The following KMT2C variants were observed in gnomAD, a reference collection of about 807,000 sequenced individuals.
The protein encoded by KMT2C is histone-lysine N-methyltransferase 2C.
A neutral mutation model predicts 507.9 loss-of-function variants in KMT2C; 88 were observed. The ratio of observed to expected loss-of-function variants is 0.17; its 90% CI spans 0.15 to 0.21. The LOEUF is 0.21. Ranked by LOEUF, KMT2C falls within the 10% of genes least tolerant of loss-of-function variation. The probability of loss-of-function intolerance (pLI) is 1.00; values close to 1 mark genes in which losing one functional copy is unlikely to be tolerated. For missense variants in KMT2C, 4,954 were observed against 5,957.8 expected, an observed-to-expected ratio of 0.83 and a Z score of 5.55; for synonymous variants, 2,049 against 2,080.8, an observed-to-expected ratio of 0.98 and a Z score of 0.42.
intron 6 of KMT2C, among the ~76,000 whole-genome samples, chr7:152,296,979 AAAAG>A (rs1317791537): frequency 1.4e-5 from 2 of 141,582 alleles, no homozygotes; most frequent in African/African-American, 2.6e-5. Flanking sequence ...ATCACCACTA[AAAAG>A]AAAGAAAGAA....
intron 27 of KMT2C, among the ~76,000 whole-genome samples, 192 bp from the exon 28 acceptor site, chr7:152,196,203 A>C (rs919239386): frequency 1.3e-5 from 2 of 152,226 alleles, no homozygotes; most frequent in Non-Finnish European, 2.9e-5. Context: ...TTTACTAAAA[A>C]TTCAGACGAT....
At position 152,145,158 on chromosome 7, in the gene KMT2C, C is replaced by CTTA. The variant is rs767590763; in HGVS notation, c.14168_14169insTAA (p.Val4723_Leu4724insLys). 17 of 1,613,816 alleles carry CTTA rather than the reference C, an allele frequency of 1.1e-5. No individual in the cohort carries two copies. The African/African-American group carries it at 2.0e-4, about 19-fold the overall frequency. ...GTGAAGTTAAAACAAAATACCTTAA[C>CTTA]ACAAACCTCTTGACATGGGCACTCA... is the stretch of plus-strand genomic sequence containing the variant. On this transcript the variant is annotated inframe_insertion, in exon 54 of 59. Coordinates refer to ENST00000262189, the MANE Select transcript of KMT2C (RefSeq NM_170606.3).
At position 152,136,572 on chromosome 7, in the gene KMT2C, G is replaced by A; in HGVS notation, c.*260C>T. Reference sequence around the variant, plus strand: ...AAAAACAAACAAAAAAAAAAGAAAAGGAAAAGAAAAAAAAGCAAAAGTGCT... The same window carrying A: ...AAAAACAAACAAAAAAAAAAGAAAAAGAAAAGAAAAAAAAGCAAAAGTGCT... On this transcript the variant is annotated 3_prime_UTR_variant, in exon 59 of 59. Coordinates refer to ENST00000262189, the MANE Select transcript of KMT2C (RefSeq NM_170606.3). 1 of 381,996 alleles carries A rather than the reference G, an allele frequency of 2.6e-6. No homozygotes were observed. Among genetic ancestry groups the A allele is most frequent in the Non-Finnish European group, 4.7e-6 (1 of 213,204 alleles). 23.7% of individuals were successfully genotyped at this position (381,996 alleles called of 1,614,324 possible).
At chr7:152,230,139 T>C in intron 17 of KMT2C, 81 bp downstream of exon 17, 1 of 1,038,208 alleles carries the variant, frequency 9.6e-7, no homozygotes, top group South Asian at 1.4e-5. Flanking sequence ...AAATATTGAA[T>C]GACTTCTGTG....
chr7:152,290,276 ATATATATATATATATATATTTTT>A (rs2096396505), intron 6 of KMT2C, among the ~76,000 whole-genome samples: 1 of 27,254 alleles, frequency 3.7e-5, no homozygotes, highest in Non-Finnish European at 6.6e-5. Context: ...ATATATATAT[ATATATATATATATATATATTTTT>A]TTTTTTTTTT....
intron 2 of KMT2C, among the ~76,000 whole-genome samples, chr7:152,349,932 C>A (rs2097096616): frequency 6.6e-6 from 1 of 152,128 alleles, no homozygotes; most frequent in Non-Finnish European, 1.5e-5. Context: ...AATTTTGCTA[C>A]AAACCTAAAA....
intron 27 of KMT2C, among the ~76,000 whole-genome samples, chr7:152,198,631 C>T (rs2094036414): frequency 6.6e-6 from 1 of 152,092 alleles, no homozygotes; most frequent in Admixed American, 6.5e-5. Flanking sequence ...AGTTCTCATA[C>T]CTTTCTCTGA....
At chr7:152,326,246 G>C (rs1299557994) in intron 3 of KMT2C, among the ~76,000 whole-genome samples, 2 of 151,946 alleles carry the variant, frequency 1.3e-5, no homozygotes, top group African/African-American at 4.8e-5. Flanking sequence ...ATTTTTATTA[G>C]AATTTTCTTG....
At chr7:152,297,045 GAA>G (rs879698092) in intron 6 of KMT2C, among the ~76,000 whole-genome samples, 26 of 91,388 alleles carry the variant, frequency 2.8e-4, no homozygotes, top group East Asian at 1.9e-3. Flanking sequence ...AAGAAAGAAA[GAA>G]AGAAAGACAG....
At chr7:152,149,935 T>C (rs2091468539) in intron 51 of KMT2C, among the ~76,000 whole-genome samples, 1 of 152,368 alleles carries the variant, frequency 6.6e-6, no homozygotes, top group Non-Finnish European at 1.5e-5. Context: ...AAAATCCTTC[T>C]TGCATTTAGG....
At chr7:152,170,443 T>A (rs2092911981) in intron 40 of KMT2C, among the ~76,000 whole-genome samples, 1 of 152,152 alleles carries the variant, frequency 6.6e-6, no homozygotes, top group African/African-American at 2.4e-5. Flanking sequence ...ATATAGCATA[T>A]CTTTCAACAA....
At chr7:152,206,101 T>C (rs1453537944) in intron 24 of KMT2C, among the ~76,000 whole-genome samples, 1 of 151,868 alleles carries the variant, frequency 6.6e-6, no homozygotes, top group African/African-American at 2.4e-5. Context: ...AAAAAGGGGG[T>C]GAGGCAAAGC....
chr7:152,348,856 G>A (rs1448631921), intron 2 of KMT2C, among the ~76,000 whole-genome samples: 2 of 152,136 alleles, frequency 1.3e-5, no homozygotes, highest in African/African-American at 4.8e-5. Context: ...TTCATTTCTA[G>A]TGAGAATGCA....
chr7:152,258,660 G>A (rs2095704223), intron 9 of KMT2C, among the ~76,000 whole-genome samples: 1 of 152,020 alleles, frequency 6.6e-6, no homozygotes, highest in Non-Finnish European at 1.5e-5. Context: ...GAGTAGCTGG[G>A]ATTACATGGC....
chr7:152,278,074 G>T (rs1239661937), intron 6 of KMT2C, among the ~76,000 whole-genome samples: 1 of 152,206 alleles, frequency 6.6e-6, no homozygotes. Context: ...CAATGTTGGA[G>T]GTGGGGCCTT....
intron 16 of KMT2C, among the ~76,000 whole-genome samples, chr7:152,234,123 C>T (rs1328763438): frequency 6.7e-6 from 1 of 150,348 alleles, no homozygotes; most frequent in African/African-American, 2.5e-5. Context: ...CATGGTGGCT[C>T]ACGCCTGTAA....
chr7:152,157,618 A>G, intron 44 of KMT2C: 1 of 401,426 alleles, frequency 2.5e-6, no homozygotes, highest in South Asian at 3.9e-5. Context: ...ACCAGGTAAA[A>G]TTTTAACCCT....
chr7:152,257,468 T>C (rs923752652), intron 9 of KMT2C, among the ~76,000 whole-genome samples: 1 of 152,310 alleles, frequency 6.6e-6, no homozygotes, highest in South Asian at 2.1e-4. Flanking sequence ...GAAAGTATAC[T>C]AATATCTTCT....
At chr7:152,295,265 G>C (rs2129188550) in intron 6 of KMT2C, among the ~76,000 whole-genome samples, 1 of 152,260 alleles carries the variant, frequency 6.6e-6, no homozygotes, top group Non-Finnish European at 1.5e-5. Flanking sequence ...AAAGGGCTGG[G>C]GGAATTTAGA....
Sources: allele counts gnomAD v4.1 joint callset (sites outside exome capture counted in the v4.1 genomes callset), GRCh38; gene constraint gnomAD v4.1.1; transcripts MANE v1.5; gene names NCBI Gene and HGNC (gene_info 2026-07-23, HGNC 2026-07-21).